The following LCN9 variants were observed in gnomAD, a reference collection of about 807,000 sequenced individuals.
LCN9 encodes lipocalin 9, also known as epididymal-specific lipocalin-9.
Under a neutral mutation model 18.5 loss-of-function variants are expected in LCN9, and 22 were observed. The ratio of observed to expected loss-of-function variants is 1.19; its 90% CI spans 0.85 to 1.70. The LOEUF (loss-of-function observed/expected upper bound fraction) is 1.70. Among genes scored for constraint, LCN9 ranks in the 40% most tolerant of loss-of-function variants. LCN9 has a pLI of 0.00. For missense variants in LCN9, 202 were observed against 201.3 expected, an observed-to-expected ratio of 1.00 and a Z score of -0.02; for synonymous variants, 89 against 83.0, an observed-to-expected ratio of 1.07 and a Z score of -0.39.
Position 135,664,044 on chromosome 9 carries a change from G to A in LCN9, c.97-118G>A. On this transcript the variant is annotated intron_variant, in intron 1 of 5. Coordinates refer to ENST00000619315, the Ensembl canonical transcript of LCN9. The surrounding 1 kb of genome is among the most constrained non-coding windows in gnomAD (Gnocchi z 4.5). Reference sequence around the variant, plus strand: ...ACCTGGGGGCACTGGAAGGGCGGAGGGGTTCTGGTTGGGAGCCAGATGCTA... The same window carrying A: ...ACCTGGGGGCACTGGAAGGGCGGAGAGGTTCTGGTTGGGAGCCAGATGCTA... 9.4e-7 allele frequency: 1 copy of A among 1,068,292 alleles called. No individual in the cohort carries two copies. Among genetic ancestry groups the A allele is most frequent in the South Asian group, 1.6e-5 (1 of 63,192 alleles). 66.2% of individuals were successfully genotyped at this position (1,068,292 alleles called of 1,614,324 possible). A position where few individuals can be genotyped will look rare whatever the true frequency, so the allele number is the denominator to read the frequency against.
chr9:135,666,628 G>A (rs2119182048), exon 6 of LCN9, among the ~76,000 whole-genome samples: 1 of 152,196 alleles, frequency 6.6e-6, no homozygotes, highest in East Asian at 1.9e-4. Flanking sequence ...CAGAGCCTGA[G>A]CCTCCCAGAG....
rs1329067936 is a variant in LCN9, at chr9:135,665,799, G to A, written c.*9+47G>A. Reference sequence around the variant, plus strand: ...CCAAGCGGGAGCCGGGACAGGGTGGGGATGGGAGGTGTGCCTGCGGGGTCC... The same window carrying A: ...CCAAGCGGGAGCCGGGACAGGGTGGAGATGGGAGGTGTGCCTGCGGGGTCC... On this transcript the variant is annotated intron_variant, in intron 5 of 5. Coordinates refer to ENST00000619315, the Ensembl canonical transcript of LCN9. This position sits in a 1 kb window ranked among gnomAD's most constrained non-coding sequence, Gnocchi z 5.9. 6.2e-7 allele frequency: 1 copy of A among 1,612,032 alleles called. No homozygotes were observed. The highest frequency in any genetic ancestry group is 8.5e-7 in the Non-Finnish European group (1 of 1,179,150).
Position 135,664,821 on chromosome 9 carries a change from G to A in LCN9, c.307+26G>A. On this transcript the variant is annotated intron_variant, in intron 3 of 5. Coordinates refer to ENST00000619315, the Ensembl canonical transcript of LCN9. This position sits in a 1 kb window ranked among gnomAD's most constrained non-coding sequence, Gnocchi z 4.5. ...GTAAGTGGAAGCCAGGCTCCTCCTG[G>A]TCTCACAGTCGGGGGTCTCCTTTCT... The A allele has an allele frequency of 6.4e-7, 1 of 1,560,048 alleles. No individual in the cohort carries two copies. The highest frequency in any genetic ancestry group is 8.7e-7 in the Non-Finnish European group (1 of 1,151,834).
Position 135,665,904 on chromosome 9 carries a change from C to T in LCN9, c.*53C>T. The T allele has an allele frequency of 6.2e-7, 1 of 1,611,918 alleles. No homozygotes were observed. Among genetic ancestry groups the T allele is most frequent in the Non-Finnish European group, 8.5e-7 (1 of 1,179,352 alleles). On this transcript the variant is annotated 3_prime_UTR_variant, in exon 6 of 6. Coordinates refer to ENST00000619315, the Ensembl canonical transcript of LCN9. This position sits in a 1 kb window ranked among gnomAD's most constrained non-coding sequence, Gnocchi z 5.9. ...ATTACAGGAGCCCGCCCAGGCCTCC[C>T]ATGCGTGAGCTGCGACTCGGGACGG...
At position 135,663,387 on chromosome 9, in the gene LCN9, C is replaced by T. The variant is rs140444141; in HGVS notation, c.66C>T (p.Thr22=). 992 of 1,613,956 alleles carry T rather than the reference C, an allele frequency of 6.1e-4. 37 individuals carry two copies. In the East Asian group the frequency reaches 0.021, roughly 34 times the overall value. ...CAGCCCAGGAGTTCGATCCCCACAC[C>T]GTTATGCAGAGGAACTACAACGTGG... Residue 22 remains threonine, a synonymous_variant, in exon 1 of 6, where the codon ACC becomes ACT. Coordinates refer to ENST00000619315, the Ensembl canonical transcript of LCN9.
rs1214240373 is a variant in LCN9 at position 135,665,698 on chromosome 9, AC to A, written c.431del (p.Pro144LeufsTer35). 6.2e-7 allele frequency: 1 copy of A among 1,613,070 alleles called. No individual in the cohort carries two copies. On this transcript the variant is annotated frameshift_variant, in exon 5 of 6. Coordinates refer to ENST00000619315, the Ensembl canonical transcript of LCN9. LOFTEE classifies it high-confidence loss of function. This position sits in a 1 kb window ranked among gnomAD's most constrained non-coding sequence, Gnocchi z 5.9. Reference sequence around the variant, plus strand: ...CTCCTTCCTGAGCAGATTTGAAGAAACCTGCGAAAAGTACGGACTTGGCTCA... The same window carrying A: ...CTCCTTCCTGAGCAGATTTGAAGAAACTGCGAAAAGTACGGACTTGGCTCA...
chr9:135,666,505 A>T (rs1834225172), exon 6 of LCN9: 1 of 209,188 alleles, frequency 4.8e-6, no homozygotes, highest in Non-Finnish European at 9.7e-6. Flanking sequence ...GGAAAGGAGC[A>T]TGTCCTTTGA....
rs1376974618 is a variant in LCN9, at chr9:135,665,446, C to T, written c.418+91C>T. 27 of 1,113,814 alleles carry T rather than the reference C, an allele frequency of 2.4e-5. No homozygotes were observed. Among genetic ancestry groups the T allele is most frequent in the Non-Finnish European group, 3.4e-5 (26 of 755,106 alleles). 69.0% of individuals were successfully genotyped at this position (1,113,814 alleles called of 1,614,324 possible). On this transcript the variant is annotated intron_variant, in intron 4 of 5. Coordinates refer to ENST00000619315, the Ensembl canonical transcript of LCN9. This position sits in a 1 kb window ranked among gnomAD's most constrained non-coding sequence, Gnocchi z 5.9. ...TGGGCGGAGGAGGGTCTCGCAGTGG[C>T]CCTGGGGTTTGGAGAGGTGGTTCCC...
At chr9:135,666,214 AG>A in exon 6 of LCN9, 1 of 1,476,894 alleles carries the variant, frequency 6.8e-7, no homozygotes, top group Non-Finnish European at 9.1e-7. Context: ...CTGGAGCCCG[AG>A]GTCTGAAACC....
exon 1 of LCN9, chr9:135,663,326 C>T (rs761265592): frequency 1.2e-6 from 2 of 1,613,414 alleles, no homozygotes; most frequent in East Asian, 4.5e-5. Flanking sequence ...GCAAAGATGG[C>T]TCTGCTTCTG....
exon 6 of LCN9, chr9:135,666,169 G>A: frequency 6.4e-7 from 1 of 1,563,368 alleles, no homozygotes; most frequent in East Asian, 2.2e-5. Context: ...CCATATGCGG[G>A]TGACTAGGAC....
rs1033295866 is a variant in LCN9, at chr9:135,665,583, C to A, written c.419-105C>A. 8.5e-7 allele frequency: 1 copy of A among 1,171,738 alleles called. No homozygotes were observed. The highest frequency in any genetic ancestry group is 1.2e-6 in the Non-Finnish European group (1 of 811,622). 72.6% of individuals were successfully genotyped at this position (1,171,738 alleles called of 1,614,324 possible). ...CTCTGGTCAGGGCGTGACCCCCTGCCCAGCCTCAGCACTTCCTGAGCACCC... is the reference window on the plus strand; with the variant it reads ...CTCTGGTCAGGGCGTGACCCCCTGCACAGCCTCAGCACTTCCTGAGCACCC... On this transcript the variant is annotated intron_variant, in intron 4 of 5. Transcript: ENST00000619315. This position sits in a 1 kb window ranked among gnomAD's most constrained non-coding sequence, Gnocchi z 5.9.
chr9:135,663,779 G>A (rs1057053175), intron 1 of LCN9, among the ~76,000 whole-genome samples: 8 of 129,724 alleles, frequency 6.2e-5, no homozygotes, highest in Admixed American at 3.1e-4. Flanking sequence ...AGGGTGGAGC[G>A]GGGGACCTTG....
In LCN9 at chr9:135,665,756, A is replaced by G; in HGVS notation, c.*9+4A>G. ...ATCATCGACTTGACCAACAAAGGTC[A>G]GCCCCACTGCTCCCGGACCAAGCGG... On this transcript the variant is annotated splice_donor_region_variant and intron_variant, in intron 5 of 5. Coordinates refer to ENST00000619315, the Ensembl canonical transcript of LCN9. This position sits in a 1 kb window ranked among gnomAD's most constrained non-coding sequence, Gnocchi z 5.9. 7 of 1,613,472 alleles carry G rather than the reference A, an allele frequency of 4.3e-6. No individual in the cohort carries two copies. Among genetic ancestry groups the G allele is most frequent in the Non-Finnish European group, 5.9e-6 (7 of 1,179,674 alleles).
At chr9:135,666,952 T>C (rs1834235715) in exon 6 of LCN9, among the ~76,000 whole-genome samples, 2 of 151,856 alleles carry the variant, frequency 1.3e-5, no homozygotes, top group Admixed American at 6.6e-5. Flanking sequence ...AAAAGGGAGG[T>C]ACCAGCCAAT....
rs1202439860 is a variant in LCN9 at position 135,665,488 on chromosome 9, C to T, written c.418+133C>T. On this transcript the variant is annotated intron_variant, in intron 4 of 5. Transcript: ENST00000619315. This position sits in a 1 kb window ranked among gnomAD's most constrained non-coding sequence, Gnocchi z 5.9. ...GTGGTTCCCGTTGGCTATTCCTTCC[C>T]ACAGACACACCGTTAGGGTGCTGGG... The T allele has an allele frequency of 3.6e-6, 3 of 840,394 alleles. No homozygotes were observed. Among genetic ancestry groups the T allele is most frequent in the Non-Finnish European group, 5.8e-6 (3 of 520,794 alleles). 52.1% of individuals were successfully genotyped at this position (840,394 alleles called of 1,614,324 possible). A position where few individuals can be genotyped will look rare whatever the true frequency, so the allele number is the denominator to read the frequency against.
rs751316945 is a variant in LCN9, at chr9:135,664,215, T to C, written c.150T>C (p.Ile50=). ...TGGCCTCAGATGACCTGAATCGGATTAAAGAAAATGGAGACCTGAGGGTCT... is the reference window on the plus strand; with the variant it reads ...TGGCCTCAGATGACCTGAATCGGATCAAAGAAAATGGAGACCTGAGGGTCT... The change falls in exon 2 of 6, where the codon ATT becomes ATC. Residue 50 remains isoleucine, a synonymous_variant. Transcript: ENST00000619315. The surrounding 1 kb of genome is among the most constrained non-coding windows in gnomAD (Gnocchi z 4.5). The C allele has an allele frequency of 1.1e-5, 17 of 1,613,502 alleles. No individual in the cohort carries two copies. Among genetic ancestry groups the C allele is most frequent in the African/African-American group, 2.7e-5 (2 of 74,830 alleles).
chr9:135,665,283 T>C lies in LCN9; in HGVS notation c.346T>C (p.Tyr116His), dbSNP rs1239100594. The change falls in exon 4 of 6, where the codon TAC becomes CAC. Residue 116 changes from tyrosine to histidine, a missense_variant. Transcript: ENST00000619315. The surrounding 1 kb of genome is among the most constrained non-coding windows in gnomAD (Gnocchi z 5.9). ...CACAGTGGCCGTCTCGGAGACTGACTACAGGCTGTTCATCACCTTCCACCT... is the reference window on the plus strand; with the variant it reads ...CACAGTGGCCGTCTCGGAGACTGACCACAGGCTGTTCATCACCTTCCACCT... 6.2e-7 allele frequency: 1 copy of C among 1,605,838 alleles called. No individual in the cohort carries two copies. Among genetic ancestry groups the C allele is most frequent in the Non-Finnish European group, 8.5e-7 (1 of 1,176,458 alleles).
exon 6 of LCN9, chr9:135,666,469 A>T (rs887434228): frequency 1.3e-4 from 31 of 241,196 alleles, no homozygotes; most frequent in African/African-American, 6.7e-4. Context: ...TTCCCATCAG[A>T]TGCCCTTCAC....
Sources: allele counts gnomAD v4.1 joint callset (sites outside exome capture counted in the v4.1 genomes callset), GRCh38; gene constraint gnomAD v4.1.1; non-coding constraint Gnocchi (gnomAD v3.1); transcripts MANE v1.5; gene names NCBI Gene and HGNC (gene_info 2026-07-23, HGNC 2026-07-21).